The following THADA variants were observed in gnomAD, a reference collection of about 807,000 sequenced individuals.
The protein encoded by THADA is THADA armadillo repeat containing.
Under a neutral mutation model 219.8 loss-of-function variants are expected in THADA, and 213 were observed. The observed-to-expected ratio is 0.97, with a 90% confidence interval of 0.87 to 1.09. The LOEUF (loss-of-function observed/expected upper bound fraction) is 1.09. Among genes scored for constraint, THADA ranks in the 50% least tolerant of loss-of-function variants. THADA has a pLI of 0.00. For missense variants in THADA, 2,956 were observed against 2,311.3 expected, an observed-to-expected ratio of 1.28 and a Z score of -5.72; for synonymous variants, 1,018 against 828.9, an observed-to-expected ratio of 1.23 and a Z score of -3.92.
chr2:43,332,087 A>C (rs569836048), intron 30 of THADA, among the ~76,000 whole-genome samples: 1 of 152,256 alleles, frequency 6.6e-6, no homozygotes, highest in South Asian at 2.1e-4. Context: ...AATTAATCTT[A>C]TTATTATTAT....
At chr2:43,541,847 G>A (rs1695366211) in intron 20 of THADA, among the ~76,000 whole-genome samples, 1 of 151,962 alleles carries the variant, frequency 6.6e-6, no homozygotes, top group Non-Finnish European at 1.5e-5. Flanking sequence ...ACACAATATT[G>A]TTCCAAAACT....
chr2:43,492,369 C>T (rs1687744950), intron 25 of THADA: 1 of 151,580 alleles, frequency 6.6e-6, no homozygotes, highest in Admixed American at 6.6e-5. Flanking sequence ...TACACAAAGC[C>T]TTCTGTGTGT....
At chr2:43,587,689 C>T (rs1002413108) in intron 4 of THADA, among the ~76,000 whole-genome samples, 6 of 152,166 alleles carry the variant, frequency 3.9e-5, no homozygotes, top group Non-Finnish European at 8.8e-5. Flanking sequence ...TTCCTTCCTT[C>T]CCGCTTTTAG....
intron 29 of THADA, among the ~76,000 whole-genome samples, chr2:43,369,683 T>C (rs1046065195): frequency 6.6e-6 from 1 of 152,170 alleles, no homozygotes; most frequent in Non-Finnish European, 1.5e-5. Flanking sequence ...GGAATCCATA[T>C]CCTCATCAGT....
At chr2:43,293,272 A>C (rs1347112351) in intron 31 of THADA, 59 bp from the exon 32 acceptor site, 1 of 1,533,372 alleles carries the variant, frequency 6.5e-7, no homozygotes, top group African/African-American at 1.4e-5. Flanking sequence ...CCACAAAAGG[A>C]CATGAAAGAA....
chr2:43,286,633 G>T (rs955081060), intron 35 of THADA, among the ~76,000 whole-genome samples: 1 of 152,140 alleles, frequency 6.6e-6, no homozygotes. Context: ...ACTGAGGCAG[G>T]AGGATTGCTT....
chr2:43,581,568 A>G (rs1049541678), intron 8 of THADA, among the ~76,000 whole-genome samples, 173 bp downstream of exon 8: 10 of 151,450 alleles, frequency 6.6e-5, no homozygotes, highest in Non-Finnish European at 1.3e-4. Context: ...AGAAAAGAAA[A>G]AAAAAAAAAA....
At chr2:43,387,644 A>G (rs114061828) in intron 29 of THADA, among the ~76,000 whole-genome samples, 1,523 of 152,204 alleles carry the variant, frequency 0.01, 28 homozygotes, top group African/African-American at 0.035. Context: ...ACTAGGGGCA[A>G]TTTTGCCCCC....
In THADA at chr2:43,592,378, C is replaced by T; in HGVS notation, c.15G>A (p.Lys5=). 1.2e-6 allele frequency: 2 copies of T among 1,603,184 alleles called. No individual in the cohort carries two copies. The highest frequency in any genetic ancestry group is 1.7e-6 in the Non-Finnish European group (2 of 1,174,370). The change falls in exon 2 of 38, where the codon AAG becomes AAA. Residue 5 remains lysine (K), a synonymous_variant. Coordinates refer to ENST00000405975, the MANE Select transcript of THADA (RefSeq NM_022065.5). ...GCGCAGCAACTTGCATTTCTTTCTT[C>T]TTCTTTACACCCATTTTAAATAGAA... MGVK[K]KKEMQVAALT... is the part of the protein sequence containing the mutation.
At chr2:43,451,497 G>T (rs955603465) in intron 26 of THADA, among the ~76,000 whole-genome samples, 2 of 152,176 alleles carry the variant, frequency 1.3e-5, no homozygotes, top group African/African-American at 4.8e-5. Flanking sequence ...TCACTAGGAT[G>T]TTAGCTCCCT....
intron 36 of THADA, among the ~76,000 whole-genome samples, chr2:43,259,195 G>A (rs1670668388): frequency 6.6e-6 from 1 of 152,190 alleles, no homozygotes; most frequent in Non-Finnish European, 1.5e-5. Flanking sequence ...TGCTGAAGAG[G>A]ACCCAAAGTG....
chr2:43,546,835 C>T (rs919673423), intron 20 of THADA, among the ~76,000 whole-genome samples: 2 of 152,150 alleles, frequency 1.3e-5, no homozygotes, highest in African/African-American at 2.4e-5. Context: ...AATTTGCCAG[C>T]CTGTGTCTTT....
chr2:43,371,353 T>C (rs1670779783), intron 29 of THADA, among the ~76,000 whole-genome samples: 1 of 152,216 alleles, frequency 6.6e-6, no homozygotes, highest in South Asian at 2.1e-4. Context: ...GATGAGTTTT[T>C]ACATATGTCT....
In THADA at chr2:43,577,195, C is replaced by T. The variant is rs149038509; in HGVS notation, c.864G>A (p.Glu288=). The part of the protein sequence containing the change: ...LRSVDCTSVP[E]WFMSSCRSLC... Reference sequence around the variant, plus strand: ...GGCTCCTGCAGCTGCTCATAAACCACTCGGGGACACTGGTGCAGTCCACTG... The same window carrying T: ...GGCTCCTGCAGCTGCTCATAAACCATTCGGGGACACTGGTGCAGTCCACTG... The change falls in exon 10 of 38, where the codon GAG becomes GAA. Residue 288 remains glutamate (E), a synonymous_variant. Coordinates refer to ENST00000405975, the MANE Select transcript of THADA (RefSeq NM_022065.5). The T allele has an allele frequency of 0.013, 20,761 of 1,603,372 alleles. 263 individuals carry two copies. The highest frequency in any genetic ancestry group is 0.038 in the Middle Eastern group (233 of 6,052).
intron 35 of THADA, among the ~76,000 whole-genome samples, chr2:43,280,728 G>T (rs963664655): frequency 1.3e-5 from 2 of 152,130 alleles, no homozygotes; most frequent in African/African-American, 2.4e-5. Context: ...TATGTAGGGG[G>T]TCCACTATCT....
intron 13 of THADA, among the ~76,000 whole-genome samples, chr2:43,571,040 G>A (rs1042251833): frequency 1.1e-4 from 16 of 152,166 alleles, no homozygotes; most frequent in African/African-American, 3.6e-4. Flanking sequence ...AGGACCACTA[G>A]AGTCCAGGAG....
intron 29 of THADA, among the ~76,000 whole-genome samples, chr2:43,345,421 C>T (rs1327078192): frequency 2.0e-5 from 3 of 152,178 alleles, no homozygotes; most frequent in Non-Finnish European, 4.4e-5. Context: ...AAATAAATTT[C>T]TTCTAAACAG....
Position 43,362,954 on chromosome 2 carries a change from G to A in THADA, c.4228-18717C>T, listed in dbSNP as rs72879235. Reference sequence around the variant, plus strand: ...CACACATTAGCCCAGGACTACACAGGGTCAGGATCATCAAAATCACCATCT... The same window carrying A: ...CACACATTAGCCCAGGACTACACAGAGTCAGGATCATCAAAATCACCATCT... On this transcript the variant is annotated intron_variant, in intron 29 of 37. Transcript: ENST00000405975. Among the ~76,000 whole-genome samples the A allele has an allele frequency of 8.4e-3, 1,284 of 151,982 alleles. 18 individuals are homozygous for A. The highest frequency in any genetic ancestry group is 0.03 in the African/African-American group (1,227 of 41,416).
chr2:43,286,170 T>C (rs1673977586), intron 35 of THADA, among the ~76,000 whole-genome samples: 1 of 152,070 alleles, frequency 6.6e-6, no homozygotes, highest in African/African-American at 2.4e-5. Flanking sequence ...AGTCAAGCAG[T>C]GGTTTGTTTA....
Sources: gnomAD v4.1 joint callset for allele counts (sites outside exome capture counted in the v4.1 genomes callset) on GRCh38, gnomAD v4.1.1 for gene constraint, MANE v1.5 for transcripts, NCBI Gene and HGNC (gene_info 2026-07-23, HGNC 2026-07-21) for gene names.